CALCR: variants seen among roughly 807,000 people sequenced by gnomAD.
CALCR encodes the protein calcitonin receptor.
A neutral mutation model predicts 59.5 loss-of-function variants in CALCR; 47 were observed. That is an observed-to-expected ratio of 0.79 (90% CI 0.63 to 1.01). The LOEUF is 1.01. CALCR is among the 50% of genes least tolerant of loss of function. The pLI is 0.00. For synonymous variants in CALCR, 213 were observed against 211.3 expected, an observed-to-expected ratio of 1.01 and a Z score of -0.07; for missense variants, 566 against 597.1, an observed-to-expected ratio of 0.95 and a Z score of 0.54.
intron 9 of CALCR, among the ~76,000 whole-genome samples, chr7:93,438,562 T>G (rs143083339): frequency 1.2e-4 from 18 of 152,328 alleles, no homozygotes; most frequent in African/African-American, 3.4e-4. Flanking sequence ...ACCATTGTTA[T>G]GTTTATAATG....
chr7:93,484,026 CAGT>C (rs1800866615), intron 3 of CALCR: 1 of 515,818 alleles, frequency 1.9e-6, no homozygotes, highest in African/African-American at 1.9e-5. Flanking sequence ...CCACCAACAG[CAGT>C]AGTCAGCAGC....
At chr7:93,472,168 C>T (rs1268280132) in intron 6 of CALCR, among the ~76,000 whole-genome samples, 1 of 151,828 alleles carries the variant, frequency 6.6e-6, no homozygotes, top group Non-Finnish European at 1.5e-5. Flanking sequence ...CTTCAATTGA[C>T]TCTTGACTCT....
At chr7:93,568,792 A>G (rs1789931115) in intron 2 of CALCR, among the ~76,000 whole-genome samples, 1 of 151,870 alleles carries the variant, frequency 6.6e-6, no homozygotes, top group Admixed American at 6.6e-5. Flanking sequence ...TCTTAAATTT[A>G]TATTTCTAGT....
In CALCR at chr7:93,472,446, T is replaced by TA. The variant is rs750464065; in HGVS notation, c.357dup (p.Lys120Ter). On this transcript the variant is annotated frameshift_variant, in exon 6 of 14. Transcript: ENST00000426151. LOFTEE classifies it high-confidence loss of function. The stretch of plus-strand genomic sequence containing the variant: ...CAGGTTCGATTGTTTTCAGGATGTT[T>TA]AAACCAAACACCTTTTTCATCACAG... The TA allele has an allele frequency of 1.2e-5, 20 of 1,609,784 alleles. No individual in the cohort carries two copies. The highest frequency in any genetic ancestry group is 1.6e-5 in the Non-Finnish European group (19 of 1,176,888).
chr7:93,431,548 G>GTGAA (rs1191722080), intron 13 of CALCR, among the ~76,000 whole-genome samples: 3 of 152,204 alleles, frequency 2.0e-5, no homozygotes, highest in African/African-American at 7.2e-5. Context: ...GGGAACCAGC[G>GTGAA]TGAACTTCAA....
chr7:93,511,875 G>C (rs891483276), intron 2 of CALCR, among the ~76,000 whole-genome samples: 1 of 152,186 alleles, frequency 6.6e-6, no homozygotes, highest in Non-Finnish European at 1.5e-5. Context: ...CTTAACAGCA[G>C]ATTGGACCCA....
At chr7:93,557,597 T>C (rs1039525217) in intron 2 of CALCR, among the ~76,000 whole-genome samples, 4 of 151,990 alleles carry the variant, frequency 2.6e-5, no homozygotes, top group African/African-American at 4.8e-5. Flanking sequence ...AGAAATTTTA[T>C]ATTTAGATAT....
chr7:93,573,740 C>T (rs1244369112), intron 2 of CALCR, among the ~76,000 whole-genome samples: 3 of 152,196 alleles, frequency 2.0e-5, no homozygotes, highest in Non-Finnish European at 4.4e-5. Flanking sequence ...GGAAACTATG[C>T]ACACAACATA....
At chr7:93,464,957 T>C (rs1800410085) in intron 7 of CALCR, among the ~76,000 whole-genome samples, 1 of 151,982 alleles carries the variant, frequency 6.6e-6, no homozygotes. Context: ...TGGAAGCCAC[T>C]TTTGTTGACC....
chr7:93,447,284 T>C (rs1167569579), intron 8 of CALCR, among the ~76,000 whole-genome samples: 8 of 152,026 alleles, frequency 5.3e-5, no homozygotes, highest in African/African-American at 4.8e-5. Context: ...CAAAACTTCA[T>C]AGAAGATAGA....
intron 2 of CALCR, among the ~76,000 whole-genome samples, chr7:93,559,170 T>C (rs1789682249): frequency 1.3e-5 from 2 of 152,152 alleles, no homozygotes; most frequent in African/African-American, 4.8e-5. Flanking sequence ...CAGCAAATTG[T>C]AACTTTAAAA....
intron 8 of CALCR, among the ~76,000 whole-genome samples, chr7:93,453,270 AT>A (rs1469850816): frequency 6.6e-6 from 1 of 152,032 alleles, no homozygotes; most frequent in East Asian, 1.9e-4. Context: ...ATATTAGCTT[AT>A]TTTTCACAGA....
chr7:93,489,825 G>C (rs1353063288), intron 2 of CALCR, among the ~76,000 whole-genome samples: 1 of 151,932 alleles, frequency 6.6e-6, no homozygotes, highest in African/African-American at 2.4e-5. Context: ...AATTCTACCA[G>C]AGTTACAAAG....
At chr7:93,431,434 G>C (rs958927774) in intron 13 of CALCR, among the ~76,000 whole-genome samples, 10 of 152,166 alleles carry the variant, frequency 6.6e-5, no homozygotes, top group African/African-American at 2.4e-4. Context: ...GGAGTTCCAG[G>C]CTCCTCGGGT....
At chr7:93,431,440 C>T (rs541771893) in intron 13 of CALCR, among the ~76,000 whole-genome samples, 6 of 152,212 alleles carry the variant, frequency 3.9e-5, no homozygotes, top group Admixed American at 3.3e-4. Context: ...CCAGGCTCCT[C>T]GGGTGGCTTG....
intron 2 of CALCR, among the ~76,000 whole-genome samples, chr7:93,520,652 A>G (rs933978992): frequency 1.1e-4 from 17 of 152,260 alleles, no homozygotes; most frequent in African/African-American, 4.1e-4. Context: ...AACTCTACAA[A>G]AATTAGCTTA....
intron 2 of CALCR, among the ~76,000 whole-genome samples, chr7:93,519,458 G>A (rs1051001361): frequency 6.6e-6 from 1 of 151,948 alleles, no homozygotes; most frequent in Non-Finnish European, 1.5e-5. Context: ...GTACAATTAG[G>A]TAAATGATAG....
chr7:93,480,909 C>T (rs1314913733), intron 3 of CALCR, among the ~76,000 whole-genome samples: 1 of 151,758 alleles, frequency 6.6e-6, no homozygotes, highest in East Asian at 2.0e-4. Flanking sequence ...GTGAGAAAAC[C>T]ATCTTGCCTG....
chr7:93,436,298 T>A, intron 11 of CALCR, 128 bp from the exon 12 acceptor site: 1 of 724,944 alleles, frequency 1.4e-6, no homozygotes, highest in South Asian at 1.8e-5. Flanking sequence ...AGAGTCTACC[T>A]GAGAGGTAGC....
Sources: gnomAD v4.1 joint callset for allele counts (sites outside exome capture counted in the v4.1 genomes callset) on GRCh38, gnomAD v4.1.1 for gene constraint, MANE v1.5 for transcripts, NCBI Gene and HGNC (gene_info 2026-07-23, HGNC 2026-07-21) for gene names.